The following FNDC3B variants were observed in gnomAD, a reference collection of about 807,000 sequenced individuals.
FNDC3B encodes the protein fibronectin type III domain-containing protein 3B.
Under a neutral mutation model 151.5 loss-of-function variants are expected in FNDC3B, and 12 were observed. The ratio of observed to expected loss-of-function variants is 0.08; its 90% CI spans 0.05 to 0.13. The LOEUF is 0.13. Ranked by LOEUF, FNDC3B falls within the 10% of genes least tolerant of loss-of-function variation. FNDC3B has a pLI of 1.00. For synonymous variants in FNDC3B, 528 were observed against 549.0 expected, an observed-to-expected ratio of 0.96 and a Z score of 0.54; for missense variants, 1,214 against 1,505.3, an observed-to-expected ratio of 0.81 and a Z score of 3.20.
chr3:172,390,766 G>A (rs1394302648), intron 25 of FNDC3B, among the ~76,000 whole-genome samples: 3 of 152,220 alleles, frequency 2.0e-5, no homozygotes, highest in East Asian at 1.9e-4. Context: ...GTCATTGTTC[G>A]ATGGCAGAAA....
chr3:172,052,784 T>C (rs1716729913), intron 1 of FNDC3B, among the ~76,000 whole-genome samples: 1 of 152,190 alleles, frequency 6.6e-6, no homozygotes, highest in Non-Finnish European at 1.5e-5. Flanking sequence ...GCCCTCTTGG[T>C]AATCTGTCCC....
At chr3:172,049,177 A>G (rs1031525425) in intron 1 of FNDC3B, among the ~76,000 whole-genome samples, 8 of 152,210 alleles carry the variant, frequency 5.3e-5, no homozygotes, top group Non-Finnish European at 1.0e-4. Context: ...CACAGTCTCC[A>G]TATGCCTCTT....
chr3:172,348,934 T>TG (rs1285201051), intron 21 of FNDC3B, among the ~76,000 whole-genome samples: 28 of 152,306 alleles, frequency 1.8e-4, no homozygotes, highest in African/African-American at 5.8e-4. Flanking sequence ...TGAATTATTT[T>TG]CATTCAACAT....
chr3:172,239,214 A>G (rs73027387), intron 4 of FNDC3B, among the ~76,000 whole-genome samples: 19,402 of 152,044 alleles, frequency 0.13, 1,294 homozygotes, highest in Middle Eastern at 0.21. Context: ...CTGAGTGGAG[A>G]GGGGAGAGGT....
Position 172,251,434 on chromosome 3 carries a change from G to A in FNDC3B, c.683G>A (p.Gly228Asp). ...ACAGTATACAATGGCTATGGGAAGG[G>A]CCATAGTGGTGGAAGTGGCGGAGGC... is the stretch of plus-strand genomic sequence containing the variant. ...CTTVYNGYGK[G>D]HSGGSGGGGS... is the part of the protein sequence containing the mutation. Residue 228 changes from glycine to aspartate, a missense_variant, in exon 6 of 26, where the codon GGC becomes GAC. By Grantham distance (94) the Gly-to-Asp change is moderately conservative (BLOSUM62 -1). Around this residue, in one of 7 missense-constraint regions of FNDC3B, gnomAD observed 166 missense variants for 173.2 expected, o/e 0.96. Coordinates refer to ENST00000415807, the MANE Select transcript of FNDC3B (RefSeq NM_022763.4). 6.2e-7 allele frequency: 1 copy of A among 1,614,104 alleles called. No individual in the cohort carries two copies. Among genetic ancestry groups the A allele is most frequent in the Admixed American group, 1.7e-5 (1 of 60,028 alleles).
intron 23 of FNDC3B, among the ~76,000 whole-genome samples, chr3:172,374,206 G>A (rs1421856323): frequency 6.6e-6 from 1 of 152,174 alleles, no homozygotes. Context: ...CTGCAGGGTT[G>A]CCTCTTACCA....
At chr3:172,169,510 G>A (rs1225485870) in intron 3 of FNDC3B, among the ~76,000 whole-genome samples, 1 of 152,218 alleles carries the variant, frequency 6.6e-6, no homozygotes, top group African/African-American at 2.4e-5. Flanking sequence ...AACTTTGTTG[G>A]AGAGCAACCT....
intron 3 of FNDC3B, among the ~76,000 whole-genome samples, chr3:172,152,016 C>A (rs1328814111): frequency 6.6e-6 from 1 of 152,186 alleles, no homozygotes; most frequent in Non-Finnish European, 1.5e-5. Flanking sequence ...TACTCAGTCC[C>A]TGTCTGATCA....
At chr3:172,257,606 A>ACG (rs1377789230) in intron 6 of FNDC3B, among the ~76,000 whole-genome samples, 1 of 142,710 alleles carries the variant, frequency 7.0e-6, no homozygotes, top group Non-Finnish European at 1.5e-5. Context: ...ACACACACAC[A>ACG]CACGCACTCT....
chr3:172,315,178 A>G (rs1731716999), intron 11 of FNDC3B, among the ~76,000 whole-genome samples: 1 of 152,174 alleles, frequency 6.6e-6, no homozygotes, highest in African/African-American at 2.4e-5. Flanking sequence ...GGAGTTCGAG[A>G]CCAGCCTGGG....
chr3:172,385,701 G>T (rs1735678034), intron 25 of FNDC3B, among the ~76,000 whole-genome samples: 1 of 151,866 alleles, frequency 6.6e-6, no homozygotes, highest in Non-Finnish European at 1.5e-5. Context: ...TGGGACTACA[G>T]GCACCCGCCA....
intron 21 of FNDC3B, among the ~76,000 whole-genome samples, chr3:172,348,341 A>G (rs1245113237): frequency 6.6e-6 from 1 of 152,254 alleles, no homozygotes; most frequent in Non-Finnish European, 1.5e-5. Flanking sequence ...CATTTCTGTT[A>G]AATTCAGAAG....
chr3:172,315,340 G>A (rs1295071208), intron 11 of FNDC3B, among the ~76,000 whole-genome samples: 1 of 152,180 alleles, frequency 6.6e-6, no homozygotes, highest in Non-Finnish European at 1.5e-5. Flanking sequence ...TTGCACCACT[G>A]CGCTCCAGCC....
At chr3:172,318,486 ATC>A (rs1459183492) in intron 11 of FNDC3B, among the ~76,000 whole-genome samples, 1 of 152,234 alleles carries the variant, frequency 6.6e-6, no homozygotes, top group East Asian at 1.9e-4. Flanking sequence ...CATATGGATG[ATC>A]TCTCATAATC....
chr3:172,229,121 AC>A (rs1473190214), intron 4 of FNDC3B, among the ~76,000 whole-genome samples: 222 of 151,112 alleles, frequency 1.5e-3, no homozygotes, highest in African/African-American at 3.6e-3. Context: ...ACACACACAC[AC>A]ACACACACAC....
In FNDC3B at chr3:172,298,711, A is replaced by G. The variant is rs761315178; in HGVS notation, c.1002-17A>G. 1 of 1,586,760 alleles carries G rather than the reference A, an allele frequency of 6.3e-7. No individual in the cohort carries two copies. The highest frequency in any genetic ancestry group is 1.8e-5 in the Admixed American group (1 of 55,598). On this transcript the variant is annotated splice_polypyrimidine_tract_variant and intron_variant, in intron 8 of 25. Coordinates refer to ENST00000415807, the MANE Select transcript of FNDC3B (RefSeq NM_022763.4). ...TGAAACTGGAATTAGCAACTAATGA[A>G]TGCTTTTTCTTTACAGTGGAGAAGA...
At chr3:172,097,943 C>T (rs1719172916) in intron 1 of FNDC3B, among the ~76,000 whole-genome samples, 1 of 151,986 alleles carries the variant, frequency 6.6e-6, no homozygotes, top group African/African-American at 2.4e-5. Flanking sequence ...ATTAGTAGAA[C>T]TGGCAGGGGC....
At chr3:172,320,929 A>G (rs748441648) in intron 11 of FNDC3B, among the ~76,000 whole-genome samples, 1 of 152,260 alleles carries the variant, frequency 6.6e-6, no homozygotes, top group Non-Finnish European at 1.5e-5. Flanking sequence ...TGTTGTTTTC[A>G]GTCTTTCAAC....
chr3:172,378,432 C>T lies in FNDC3B; in HGVS notation c.3171C>T (p.Ile1057=), dbSNP rs1735268337. ...CAACCAAAAGTGTCCCCCCCACCAT[C>T]AAAGGTGTGTAGACTATGTATTCTT... ...FSTTKSVPPT[I]KAPRVTQLEG... Residue 1057 remains isoleucine (I), a synonymous_variant, in exon 24 of 26, where the codon ATC becomes ATT. Transcript: ENST00000415807. The T allele has an allele frequency of 6.2e-7, 1 of 1,609,602 alleles. No individual in the cohort carries two copies. Among genetic ancestry groups the T allele is most frequent in the Non-Finnish European group, 8.5e-7 (1 of 1,178,108 alleles).
Sources: allele counts gnomAD v4.1 joint callset (sites outside exome capture counted in the v4.1 genomes callset), GRCh38; gene constraint gnomAD v4.1.1; regional missense constraint gnomAD v4.1.1; transcripts MANE v1.5; gene names NCBI Gene and HGNC (gene_info 2026-07-23, HGNC 2026-07-21).